The following CLCC1 variants were observed in gnomAD, a reference collection of about 807,000 sequenced individuals.
The protein encoded by CLCC1 is chloride channel CLIC like 1, also known as chloride channel CLIC-like protein 1.
A neutral mutation model predicts 63.3 loss-of-function variants in CLCC1; 39 were observed. The ratio of observed to expected loss-of-function variants is 0.62; its 90% CI spans 0.48 to 0.81. The LOEUF (loss-of-function observed/expected upper bound fraction) is 0.81. Ranked by LOEUF, CLCC1 falls within the 30% of genes least tolerant of loss-of-function variation. The probability of loss-of-function intolerance (pLI) is 0.00; values close to 1 mark genes in which losing one functional copy is unlikely to be tolerated. For missense variants in CLCC1, 549 were observed against 669.4 expected (o/e 0.82, Z 1.98); for synonymous variants, 217 against 239.8 (o/e 0.90, Z 0.88).
intron 2 of CLCC1, among the ~76,000 whole-genome samples, chr1:108,961,772 T>C (rs1054520894): frequency 7.9e-5 from 12 of 151,978 alleles, no homozygotes; most frequent in Admixed American, 2.6e-4. Context: ...GGCAGGAGAA[T>C]TGCTTGAACC....
At chr1:108,934,572 T>C in intron 12 of CLCC1, 53 bp downstream of exon 12, 2 of 1,408,996 alleles carry the variant, frequency 1.4e-6, no homozygotes, top group Non-Finnish European at 1.9e-6. Flanking sequence ...GGCACCTTTG[T>C]AGTAATCAGA....
At chr1:108,935,218 A>G (rs777188812) in intron 11 of CLCC1, among the ~76,000 whole-genome samples, 1 of 152,188 alleles carries the variant, frequency 6.6e-6, no homozygotes, top group Non-Finnish European at 1.5e-5. Flanking sequence ...AGTATTGTCA[A>G]CTTCTCTTGC....
At chr1:108,961,422 T>C (rs747352137) in intron 2 of CLCC1, among the ~76,000 whole-genome samples, 1 of 152,124 alleles carries the variant, frequency 6.6e-6, no homozygotes, top group South Asian at 2.1e-4. Flanking sequence ...TCCTAGCTAG[T>C]TTCGTTTAAT....
Position 108,931,305 on chromosome 1 carries a change from T to C in CLCC1, c.*1242A>G, listed in dbSNP as rs763215520. ...AGTTGTCATTAAGCTTTGTCTTCCT[T>C]ATCCCAGATATTGAAGGCAGTTTAC... On this transcript the variant is annotated 3_prime_UTR_variant, in exon 13 of 13. Transcript: ENST00000369969. 5 of 1,542,006 alleles carry C rather than the reference T, an allele frequency of 3.2e-6. No individual in the cohort carries two copies. Among genetic ancestry groups the C allele is most frequent in the Admixed American group, 2.0e-5 (1 of 49,860 alleles).
chr1:108,939,309 ATTTTT>A (rs1162492145), intron 10 of CLCC1, among the ~76,000 whole-genome samples: 1 of 139,808 alleles, frequency 7.2e-6, no homozygotes, highest in Non-Finnish European at 1.6e-5. Context: ...TATATGTATA[ATTTTT>A]TTTTTTTTTT....
At position 108,963,411 on chromosome 1, in the gene CLCC1, C is replaced by G. The variant is rs1397749275; in HGVS notation, c.-223G>C. The stretch of plus-strand genomic sequence containing the variant: ...GAGGAAGACACCTGCCCAGGCCGGC[C>G]GCAGAAGAGGTCGCACAGCTTGCCG... On this transcript the variant is annotated 5_prime_UTR_variant, in exon 1 of 13. Transcript: ENST00000369969. The G allele has an allele frequency of 1.4e-6, 1 of 702,454 alleles. No homozygotes were observed. The highest frequency in any genetic ancestry group is 1.5e-5 in the South Asian group (1 of 67,604). 43.5% of individuals were successfully genotyped at this position (702,454 alleles called of 1,614,324 possible).
chr1:108,959,482 G>T (rs751401241), intron 2 of CLCC1, among the ~76,000 whole-genome samples: 1 of 152,104 alleles, frequency 6.6e-6, no homozygotes, highest in African/African-American at 2.4e-5. Flanking sequence ...TTTTGCTGTC[G>T]CACCTCAAGT....
chr1:108,961,196 T>C (rs72984666), intron 2 of CLCC1, among the ~76,000 whole-genome samples: 7,373 of 150,894 alleles, frequency 0.049, 599 homozygotes, highest in African/African-American at 0.17. Flanking sequence ...TGGTCACTGA[T>C]TGAAGGCTGG....
In CLCC1 at chr1:108,950,391, C is replaced by G. The variant is rs752752992; in HGVS notation, c.47G>C (p.Gly16Ala). 6.2e-7 allele frequency: 1 copy of G among 1,611,880 alleles called. No homozygotes were observed. The highest frequency in any genetic ancestry group is 8.5e-7 in the Non-Finnish European group (1 of 1,178,692). ...AATCCAGTCATCATCATGAGCATAA[C>G]CAGCTACCAGCAACAGACATTCACA... ...LLCECLLLVA[G>A]YAHDDDWIDP... The change falls in exon 3 of 13, where the codon GGT becomes GCT. Residue 16 changes from glycine to alanine, a missense_variant. Physicochemically the swap from Gly to Ala is moderately conservative, Grantham distance 60. Transcript: ENST00000369969.
chr1:108,933,079 G>A (rs1652285919), intron 12 of CLCC1: 1 of 152,200 alleles, frequency 6.6e-6, no homozygotes, highest in East Asian at 1.9e-4. Context: ...TTGAACAACT[G>A]AGCTTAAGCG....
At chr1:108,959,928 G>A (rs934474641) in intron 2 of CLCC1, among the ~76,000 whole-genome samples, 3 of 152,134 alleles carry the variant, frequency 2.0e-5, no homozygotes, top group East Asian at 3.9e-4. Context: ...CCAGGAGTTC[G>A]ACACCAGCCT....
chr1:108,938,261 A>G (rs1405096026), intron 10 of CLCC1, among the ~76,000 whole-genome samples: 2 of 152,258 alleles, frequency 1.3e-5, no homozygotes, highest in Non-Finnish European at 2.9e-5. Flanking sequence ...TTTTTCAAAC[A>G]CTACTATTTG....
intron 7 of CLCC1, among the ~76,000 whole-genome samples, chr1:108,942,113 G>A (rs544376107): frequency 4.6e-5 from 7 of 152,082 alleles, no homozygotes; most frequent in African/African-American, 4.8e-5. Context: ...GTGATAGCAC[G>A]GGCCTGTAGT....
At chr1:108,961,676 A>G (rs1656656336) in intron 2 of CLCC1, among the ~76,000 whole-genome samples, 1 of 152,182 alleles carries the variant, frequency 6.6e-6, no homozygotes, top group African/African-American at 2.4e-5. Context: ...CCTGACCACC[A>G]TGGAGAAACC....
rs1651987858 is a variant in CLCC1, at chr1:108,931,625, A to G, written c.*922T>C. On this transcript the variant is annotated 3_prime_UTR_variant, in exon 13 of 13. Coordinates refer to ENST00000369969, the MANE Select transcript of CLCC1 (RefSeq NM_001377458.1). ...CTGGAATTAATTACATTAAGTGCTC[A>G]GCTAAAAAAAAAAAAAAAGTTCTAA... 5.4e-6 allele frequency: 6 copies of G among 1,115,676 alleles called. No homozygotes were observed. In the East Asian group the frequency reaches 1.7e-4, roughly 31 times the overall value. 69.1% of individuals were successfully genotyped at this position (1,115,676 alleles called of 1,614,324 possible).
intron 10 of CLCC1, among the ~76,000 whole-genome samples, chr1:108,939,397 C>A (rs1653504888): frequency 6.7e-6 from 1 of 149,666 alleles, no homozygotes; most frequent in Admixed American, 6.6e-5. Context: ...AGCTCCGCCT[C>A]CCAGGTTCAC....
chr1:108,960,702 ATGAAG>A, intron 2 of CLCC1, among the ~76,000 whole-genome samples: 1 of 152,216 alleles, frequency 6.6e-6, no homozygotes, highest in East Asian at 1.9e-4. Context: ...ATAATATGAT[ATGAAG>A]TGGACAGAGA....
chr1:108,956,391 G>A (rs1386951680), intron 2 of CLCC1, among the ~76,000 whole-genome samples: 1 of 151,440 alleles, frequency 6.6e-6, no homozygotes, highest in African/African-American at 2.5e-5. Context: ...GCCAGGCATG[G>A]TGGCTCACAC....
In CLCC1 at chr1:108,947,723, A is replaced by T. The variant is rs1189363077; in HGVS notation, c.232-5T>A. On this transcript the variant is annotated splice_region_variant and splice_polypyrimidine_tract_variant and intron_variant, in intron 4 of 12. Coordinates refer to ENST00000369969, the MANE Select transcript of CLCC1 (RefSeq NM_001377458.1). ...TTTCTTTTCACACTCATCAATCTGT[A>T]ACCATAAAATCAATTCAACATTAGT... 1.0e-5 allele frequency: 16 copies of T among 1,575,658 alleles called. No individual in the cohort carries two copies. The highest frequency in any genetic ancestry group is 1.4e-5 in the Non-Finnish European group (16 of 1,150,344).
Sources: allele counts gnomAD v4.1 joint callset (sites outside exome capture counted in the v4.1 genomes callset), GRCh38; gene constraint gnomAD v4.1.1; transcripts MANE v1.5; gene names NCBI Gene and HGNC (gene_info 2026-07-23, HGNC 2026-07-21).